The following PCDHGA2 variants were observed in gnomAD, a reference collection of about 807,000 sequenced individuals.
PCDHGA2 encodes the protein protocadherin gamma-A2.
Under a neutral mutation model 59.2 loss-of-function variants are expected in PCDHGA2, and 40 were observed. That is an observed-to-expected ratio of 0.68 (90% CI 0.52 to 0.88). PCDHGA2 has a LOEUF of 0.88. Among genes scored for constraint, PCDHGA2 ranks in the 40% least tolerant of loss-of-function variants. The pLI is 0.00. For synonymous variants in PCDHGA2, 560 were observed against 526.0 expected (o/e 1.06, Z -0.89); for missense variants, 1,226 against 1,204.0 (o/e 1.02, Z -0.27).
chr5:141,455,104 G>T (rs2098813087), intron 1 of PCDHGA2, among the ~76,000 whole-genome samples: 1 of 151,780 alleles, frequency 6.6e-6, no homozygotes, highest in Non-Finnish European at 1.5e-5. Flanking sequence ...GAGCCACTGC[G>T]CCCGGTGGGT....
In PCDHGA2 at chr5:141,486,836, G is replaced by C; in HGVS notation, c.2425-7971G>C. On this transcript the variant is annotated intron_variant, in intron 1 of 3. Coordinates refer to ENST00000394576, the MANE Select transcript of PCDHGA2 (RefSeq NM_018915.4). This position sits in a 1 kb window ranked among gnomAD's most constrained non-coding sequence, Gnocchi z 5.0. ...CAGCACTGTAACAGTTCGTCTATTT[G>C]TGCTGGACCTCAATGACAATGCTCC... 1 of 1,614,242 alleles carries C rather than the reference G, an allele frequency of 6.2e-7. No individual in the cohort carries two copies. The highest frequency in any genetic ancestry group is 8.5e-7 in the Non-Finnish European group (1 of 1,180,046).
At chr5:141,357,458 A>G (rs372570425) in intron 1 of PCDHGA2, 26 of 1,614,062 alleles carry the variant, frequency 1.6e-5, no homozygotes, top group African/African-American at 6.7e-5. Flanking sequence ...CTGCAGACCT[A>G]TTCCCACGAG....
chr5:141,410,699 A>G (rs760193148), intron 1 of PCDHGA2: 1 of 1,478,344 alleles, frequency 6.8e-7, no homozygotes, highest in East Asian at 2.3e-5. Flanking sequence ...CTTTATTTTC[A>G]TATCTAGAAT....
Position 141,477,849 on chromosome 5 carries a change from A to G in PCDHGA2, c.2425-16958A>G. ...CCTCGGCCAGGTGGGAGCTCGGTGGAGATGCTGCCTCGAGGTACCTCAGCT... is the reference window on the plus strand; with the variant it reads ...CCTCGGCCAGGTGGGAGCTCGGTGGGGATGCTGCCTCGAGGTACCTCAGCT... On this transcript the variant is annotated intron_variant, in intron 1 of 3. Transcript: ENST00000394576. This position sits in a 1 kb window ranked among gnomAD's most constrained non-coding sequence, Gnocchi z 4.9. The G allele has an allele frequency of 6.8e-6, 11 of 1,612,812 alleles. No individual in the cohort carries two copies. Among genetic ancestry groups the G allele is most frequent in the Non-Finnish European group, 8.5e-6 (10 of 1,179,548 alleles).
Position 141,371,530 on chromosome 5 carries a change from A to G in PCDHGA2, c.2424+30135A>G, listed in dbSNP as rs769779786. ...ACACATGATCTAGATTCTGGATTTAATGGAGAAATCCTATGCCAACTAAAA... is the reference window on the plus strand; with the variant it reads ...ACACATGATCTAGATTCTGGATTTAGTGGAGAAATCCTATGCCAACTAAAA... On this transcript the variant is annotated intron_variant, in intron 1 of 3. Transcript: ENST00000394576. The G allele has an allele frequency of 1.9e-6, 3 of 1,613,804 alleles. No individual in the cohort carries two copies. The Middle Eastern group carries it at 4.9e-4, about 266-fold the overall frequency.
Position 141,491,170 on chromosome 5 carries a change from G to A in PCDHGA2, c.2425-3637G>A. The stretch of plus-strand genomic sequence containing the variant: ...GGAGGATGACTCTGACACCCAGCAG[G>A]TGGTGGTCCTGGTGAGGGACAATGG... On this transcript the variant is annotated intron_variant, in intron 1 of 3. Coordinates refer to ENST00000394576, the MANE Select transcript of PCDHGA2 (RefSeq NM_018915.4). The surrounding 1 kb of genome is among the most constrained non-coding windows in gnomAD (Gnocchi z 6.9). 6.2e-7 allele frequency: 1 copy of A among 1,614,176 alleles called. No individual in the cohort carries two copies. Among genetic ancestry groups the A allele is most frequent in the Non-Finnish European group, 8.5e-7 (1 of 1,179,996 alleles).
intron 1 of PCDHGA2, chr5:141,345,222 T>C: frequency 6.2e-7 from 1 of 1,613,756 alleles, no homozygotes; most frequent in Admixed American, 1.7e-5. Context: ...GTTAGAAAAA[T>C]CAATAGATCA....
At chr5:141,362,220 C>G in intron 1 of PCDHGA2, 1 of 1,614,046 alleles carries the variant, frequency 6.2e-7, no homozygotes, top group Non-Finnish European at 8.5e-7. Context: ...TGGTTGTGGC[C>G]TTGGCCTTGA....
chr5:141,414,900 T>C (rs1402776790), intron 1 of PCDHGA2: 5 of 1,614,170 alleles, frequency 3.1e-6, no homozygotes, highest in Middle Eastern at 1.6e-4. Flanking sequence ...CCACAGACGG[T>C]TCCACAGGCG....
intron 1 of PCDHGA2, chr5:141,375,805 C>G (rs748127561): frequency 6.2e-7 from 1 of 1,614,214 alleles, no homozygotes; most frequent in Admixed American, 1.7e-5. Flanking sequence ...GTTCCACTGG[C>G]GTGGAGCTGG....
chr5:141,375,174 C>A (rs765614006), intron 1 of PCDHGA2: 3 of 1,614,006 alleles, frequency 1.9e-6, no homozygotes, highest in Non-Finnish European at 2.5e-6. Context: ...CCTCCAGGAA[C>A]AGTAATCGCC....
chr5:141,438,576 A>C (rs1016175176), intron 1 of PCDHGA2, among the ~76,000 whole-genome samples: 4 of 55,572 alleles, frequency 7.2e-5, no homozygotes, highest in Non-Finnish European at 1.2e-4. Context: ...TCTGATATAC[A>C]TACATACATA....
At chr5:141,384,927 C>A in intron 1 of PCDHGA2, 1 of 1,614,014 alleles carries the variant, frequency 6.2e-7, no homozygotes, top group Non-Finnish European at 8.5e-7. Flanking sequence ...CCGACCTGGG[C>A]AGCCTTGAGC....
chr5:141,418,626 C>A (rs1237600131), intron 1 of PCDHGA2: 2 of 1,613,902 alleles, frequency 1.2e-6, no homozygotes, highest in African/African-American at 2.7e-5. Context: ...GAAGACGTGC[C>A]TCCAGGCACC....
intron 1 of PCDHGA2, chr5:141,345,061 A>G: frequency 6.2e-7 from 1 of 1,613,974 alleles, no homozygotes; most frequent in Non-Finnish European, 8.5e-7. Flanking sequence ...GTGAATGACA[A>G]TGCTCCAGAA....
intron 1 of PCDHGA2, chr5:141,355,788 G>A: frequency 6.2e-7 from 1 of 1,613,646 alleles, no homozygotes; most frequent in Non-Finnish European, 8.5e-7. Flanking sequence ...AGCTGGTGCT[G>A]GAACGCGCTC....
At chr5:141,374,238 T>C (rs1770300892) in intron 1 of PCDHGA2, 2 of 1,614,016 alleles carry the variant, frequency 1.2e-6, no homozygotes, top group African/African-American at 1.3e-5. Context: ...GTCAAGGATC[T>C]GGGACTGGAG....
intron 1 of PCDHGA2, chr5:141,366,278 G>T: frequency 1.2e-6 from 2 of 1,613,712 alleles, no homozygotes; most frequent in Non-Finnish European, 1.7e-6. Context: ...CGAAGACCAT[G>T]GCCAGCCCCC....
intron 1 of PCDHGA2, chr5:141,372,728 A>G (rs1769012432): frequency 1.2e-6 from 2 of 1,613,562 alleles, no homozygotes; most frequent in African/African-American, 2.7e-5. Flanking sequence ...CTGCACCACA[A>G]GATCTTCTAT....
Sources: allele counts gnomAD v4.1 joint callset (sites outside exome capture counted in the v4.1 genomes callset), GRCh38; gene constraint gnomAD v4.1.1; non-coding constraint Gnocchi (gnomAD v3.1); transcripts MANE v1.5; gene names NCBI Gene and HGNC (gene_info 2026-07-23, HGNC 2026-07-21).